The following SLC9C1 variants were observed in gnomAD, a reference collection of about 807,000 sequenced individuals.
SLC9C1 encodes the protein sodium/hydrogen exchanger 10.
A neutral mutation model predicts 140.9 loss-of-function variants in SLC9C1; 97 were observed. The ratio of observed to expected loss-of-function variants is 0.69; its 90% confidence interval spans 0.58 to 0.82. The LOEUF (loss-of-function observed/expected upper bound fraction) is 0.82, where lower values mean the gene tolerates loss of function less well. SLC9C1 is among the 40% of genes least tolerant of loss of function. The pLI is 0.00. For missense variants in SLC9C1, 1,340 were observed against 1,389.3 expected, an observed-to-expected ratio of 0.96 and a Z score of 0.56; for synonymous variants, 440 against 442.6, an observed-to-expected ratio of 0.99 and a Z score of 0.07.
At chr3:112,215,771 T>C (rs959936430) in intron 15 of SLC9C1, among the ~76,000 whole-genome samples, 17 of 152,174 alleles carry the variant, frequency 1.1e-4, no homozygotes, top group Admixed American at 1.0e-3. Flanking sequence ...GTTAAAATGG[T>C]CATACTGCCC....
chr3:112,290,249 G>A (rs1248519749), intron 1 of SLC9C1, among the ~76,000 whole-genome samples: 2 of 152,122 alleles, frequency 1.3e-5, no homozygotes, highest in Non-Finnish European at 2.9e-5. Flanking sequence ...CATGCTTTCT[G>A]AATTTAATAT....
chr3:112,264,164 T>A (rs1351814578), intron 9 of SLC9C1, 36 bp downstream of exon 9: 1 of 916,550 alleles, frequency 1.1e-6, no homozygotes, highest in East Asian at 3.6e-5. Context: ...CTTACTCAAT[T>A]ATCTATAAAT....
chr3:112,175,314 T>G (rs2077316000), intron 23 of SLC9C1, among the ~76,000 whole-genome samples: 1 of 152,088 alleles, frequency 6.6e-6, no homozygotes, highest in Admixed American at 6.5e-5. Flanking sequence ...GGCCTGCCTC[T>G]CCCTCTGAGA....
Position 112,168,859 on chromosome 3 carries a change from G to A in SLC9C1, c.3237+18C>T, listed in dbSNP as rs770017560. On this transcript the variant is annotated intron_variant, in intron 25 of 28. Coordinates refer to ENST00000305815, the MANE Select transcript of SLC9C1 (RefSeq NM_183061.3). Reference sequence around the variant, plus strand: ...ATATGGCATATTGATCTGAAGACAGGAATCAATATTTCTTTACCTGATGGC... The same window carrying A: ...ATATGGCATATTGATCTGAAGACAGAAATCAATATTTCTTTACCTGATGGC... The A allele has an allele frequency of 1.3e-6, 2 of 1,552,284 alleles. No homozygotes were observed. The highest frequency in any genetic ancestry group is 2.3e-5 in the East Asian group (1 of 44,294).
chr3:112,243,320 A>G (rs924619133), intron 11 of SLC9C1, among the ~76,000 whole-genome samples: 1 of 152,224 alleles, frequency 6.6e-6, no homozygotes, highest in Admixed American at 6.5e-5. Context: ...ACACCATTGA[A>G]TACTATGCAG....
chr3:112,214,832 A>G (rs938386160), intron 15 of SLC9C1, among the ~76,000 whole-genome samples: 2 of 152,242 alleles, frequency 1.3e-5, no homozygotes, highest in Non-Finnish European at 2.9e-5. Flanking sequence ...CAATAGAAAA[A>G]GAGGGAATCC....
intron 26 of SLC9C1, among the ~76,000 whole-genome samples, chr3:112,160,026 T>G (rs1196122025): frequency 6.6e-6 from 1 of 151,740 alleles, no homozygotes; most frequent in Non-Finnish European, 1.5e-5. Flanking sequence ...AAGCCATGCT[T>G]TATCTTTTAA....
At chr3:112,237,967 G>T (rs1560108693) in intron 12 of SLC9C1, among the ~76,000 whole-genome samples, 1 of 151,950 alleles carries the variant, frequency 6.6e-6, no homozygotes, top group South Asian at 2.1e-4. Context: ...GTATCTTTGT[G>T]GCATTCTCTG....
At chr3:112,223,607 CAAA>C (rs1473410108) in intron 13 of SLC9C1, among the ~76,000 whole-genome samples, 1 of 150,232 alleles carries the variant, frequency 6.7e-6, no homozygotes, top group Non-Finnish European at 1.5e-5. Flanking sequence ...ACAAAAGAAA[CAAA>C]GAAAGGAAAG....
chr3:112,233,488 T>C (rs1249103160), intron 12 of SLC9C1, among the ~76,000 whole-genome samples: 1 of 152,218 alleles, frequency 6.6e-6, no homozygotes, highest in African/African-American at 2.4e-5. Flanking sequence ...TCTTGATTCT[T>C]TTTTTCATTA....
At chr3:112,244,816 C>G (rs186057825) in intron 10 of SLC9C1, among the ~76,000 whole-genome samples, 4 of 152,302 alleles carry the variant, frequency 2.6e-5, no homozygotes, top group Non-Finnish European at 5.9e-5. Context: ...ACACTAGAGG[C>G]TCCCAAAGTT....
chr3:112,211,503 C>T (rs1222366711), intron 15 of SLC9C1, among the ~76,000 whole-genome samples: 1 of 152,244 alleles, frequency 6.6e-6, no homozygotes, highest in African/African-American at 2.4e-5. Flanking sequence ...GGGTCACTCC[C>T]ACCCTAATAC....
chr3:112,180,484 T>C (rs971291647), intron 22 of SLC9C1, 80 bp downstream of exon 22: 3 of 1,106,610 alleles, frequency 2.7e-6, no homozygotes, highest in Admixed American at 2.4e-5. Context: ...GATCATGCCA[T>C]TGCACTCCAG....
intron 15 of SLC9C1, among the ~76,000 whole-genome samples, chr3:112,211,461 G>C (rs180759511): frequency 2.0e-4 from 30 of 152,362 alleles, no homozygotes; most frequent in Admixed American, 3.3e-4. Context: ...TCCTAGCCAA[G>C]TGAAGCTGTG....
chr3:112,245,610 T>G (rs1165916834), intron 10 of SLC9C1, among the ~76,000 whole-genome samples: 4 of 152,108 alleles, frequency 2.6e-5, no homozygotes, highest in Non-Finnish European at 5.9e-5. Flanking sequence ...GCTACTGAAT[T>G]ACTGTATTTT....
intron 13 of SLC9C1, among the ~76,000 whole-genome samples, chr3:112,227,031 A>T (rs2078700330): frequency 6.6e-6 from 1 of 152,146 alleles, no homozygotes; most frequent in Non-Finnish European, 1.5e-5. Context: ...AGCTATCATT[A>T]CAGACTATTA....
rs879827800 is a variant in SLC9C1, at chr3:112,270,573, C to T, written c.614-496G>A. 5.3e-5 allele frequency among the ~76,000 whole-genome samples: 8 copies of T among 152,176 alleles called. 1 individual carries two copies. The highest frequency in any genetic ancestry group is 1.3e-4 in the Admixed American group (2 of 15,274). On this transcript the variant is annotated intron_variant, in intron 6 of 28. Transcript: ENST00000305815. ...TATAATCCCAGCACTTACAATCCCT[C>T]GGGAGGCCGAGGTGGGCAGATCACT... is the stretch of plus-strand genomic sequence containing the variant.
chr3:112,215,464 C>T (rs4682093), intron 15 of SLC9C1, among the ~76,000 whole-genome samples: 45,405 of 151,652 alleles, frequency 0.3, 7,016 homozygotes, highest in East Asian at 0.36. Context: ...AAAACCCCAT[C>T]GTCTCAGCCC....
intron 12 of SLC9C1, among the ~76,000 whole-genome samples, chr3:112,237,952 G>A (rs1255353302): frequency 6.6e-6 from 1 of 151,908 alleles, no homozygotes; most frequent in Non-Finnish European, 1.5e-5. Context: ...TGCTCTTCTC[G>A]AGAAGTATCT....
Sources: gnomAD v4.1 joint callset for allele counts (sites outside exome capture counted in the v4.1 genomes callset) on GRCh38, gnomAD v4.1.1 for gene constraint, MANE v1.5 for transcripts, NCBI Gene and HGNC (gene_info 2026-07-23, HGNC 2026-07-21) for gene names.